MAPK14: variants seen among roughly 807,000 people sequenced by gnomAD.
MAPK14 encodes the protein mitogen-activated protein kinase 14.
In MAPK14, 16 loss-of-function variants were observed where a neutral mutation model predicts 49.6. That is an observed-to-expected ratio of 0.32 (90% CI 0.22 to 0.49). The LOEUF (loss-of-function observed/expected upper bound fraction) is 0.49, where lower values mean the gene tolerates loss of function less well. Ranked by LOEUF, MAPK14 falls within the 20% of genes least tolerant of loss-of-function variation. The pLI, the probability that MAPK14 is intolerant of heterozygous loss-of-function variation, is 0.99. For synonymous variants in MAPK14, 142 were observed against 158.0 expected (o/e 0.90, Z 0.76); for missense variants, 200 against 441.2 (o/e 0.45, Z 4.90).
At chr6:36,120,248 CTA>C in the MAPK14 span, among the ~76,000 whole-genome samples, 1 of 152,128 alleles carries the variant, frequency 6.6e-6, no homozygotes, top group Non-Finnish European at 1.5e-5. Context: ...ATAGTAAGAA[CTA>C]TATGTTTTTG....
the MAPK14 span, among the ~76,000 whole-genome samples, chr6:36,122,072 TAGAGAC>T: frequency 1.3e-5 from 2 of 152,226 alleles, no homozygotes; most frequent in African/African-American, 4.8e-5. Flanking sequence ...CACAGCAAAT[TAGAGAC>T]AGAGCTAGAA....
chr6:36,099,163 C>T (rs934846828), intron 9 of MAPK14, among the ~76,000 whole-genome samples: 1 of 152,094 alleles, frequency 6.6e-6, no homozygotes, highest in Non-Finnish European at 1.5e-5. Context: ...GGCCATGGTG[C>T]TTATTAAAGA....
At chr6:36,044,019 A>G (rs1763074902) in intron 1 of MAPK14, among the ~76,000 whole-genome samples, 1 of 151,770 alleles carries the variant, frequency 6.6e-6, no homozygotes, top group African/African-American at 2.4e-5. Context: ...CATGTTGGTC[A>G]GGCTGGTCGC....
chr6:36,090,307 G>A (rs1047965982), intron 8 of MAPK14, among the ~76,000 whole-genome samples: 5 of 151,818 alleles, frequency 3.3e-5, no homozygotes, highest in Non-Finnish European at 7.4e-5. Flanking sequence ...ATCACTTTCA[G>A]TCATTGGTTT....
chr6:36,088,176 A>G (rs561304520), intron 8 of MAPK14, among the ~76,000 whole-genome samples: 2 of 152,332 alleles, frequency 1.3e-5, no homozygotes, highest in Admixed American at 6.5e-5. Context: ...TAAAAACCCT[A>G]GAAGAAAATC....
At chr6:36,066,069 T>C (rs558146373) in intron 3 of MAPK14, among the ~76,000 whole-genome samples, 8 of 152,208 alleles carry the variant, frequency 5.3e-5, no homozygotes, top group Admixed American at 1.3e-4. Flanking sequence ...TAAAAACTCT[T>C]TTTTTTTCAG....
At chr6:36,076,083 T>C in intron 7 of MAPK14, 121 bp downstream of exon 7, 1 of 1,011,440 alleles carries the variant, frequency 9.9e-7, no homozygotes, top group South Asian at 1.5e-5. Context: ...AGTGATCCTT[T>C]TAAAGCCTGC....
intron 1 of MAPK14, among the ~76,000 whole-genome samples, chr6:36,046,455 C>A (rs1307496252): frequency 6.6e-6 from 1 of 152,160 alleles, no homozygotes; most frequent in Non-Finnish European, 1.5e-5. Context: ...TTGCCATGGA[C>A]CAAGCTCCTT....
chr6:36,051,439 G>T (rs1353556177), intron 1 of MAPK14, among the ~76,000 whole-genome samples: 1 of 152,024 alleles, frequency 6.6e-6, no homozygotes, highest in Non-Finnish European at 1.5e-5. Flanking sequence ...AATACACATC[G>T]CATTTTTGCT....
intron 6 of MAPK14, 145 bp from the exon 7 acceptor site, chr6:36,075,703 G>T: frequency 9.5e-7 from 1 of 1,057,150 alleles, no homozygotes; most frequent in Non-Finnish European, 1.4e-6. Context: ...TCTAAGTATG[G>T]ACCAGGAAAT....
At chr6:36,100,276 A>C (rs201412505) in intron 9 of MAPK14, 166 of 1,603,940 alleles carry the variant, frequency 1.0e-4, no homozygotes, top group Non-Finnish European at 1.4e-4. Context: ...AGGTGAGAAC[A>C]AAGAGACTGT....
intron 8 of MAPK14, among the ~76,000 whole-genome samples, chr6:36,088,868 T>C (rs558636752): frequency 6.6e-6 from 1 of 152,338 alleles, no homozygotes; most frequent in Admixed American, 6.5e-5. Context: ...TACTGTCTCA[T>C]GCTAGTCAGA....
At chr6:36,089,706 G>A (rs564048106) in intron 8 of MAPK14, among the ~76,000 whole-genome samples, 1 of 152,252 alleles carries the variant, frequency 6.6e-6, no homozygotes, top group South Asian at 2.1e-4. Flanking sequence ...TAAAAGCCTA[G>A]TTGACTAGGG....
intron 2 of MAPK14, among the ~76,000 whole-genome samples, chr6:36,058,795 G>C (rs1434085949): frequency 1.3e-5 from 2 of 152,058 alleles, no homozygotes; most frequent in East Asian, 3.9e-4. Flanking sequence ...AGCTACTTGG[G>C]AGGCTGAGAC....
At chr6:36,120,689 C>T in the MAPK14 span, among the ~76,000 whole-genome samples, 4 of 152,290 alleles carry the variant, frequency 2.6e-5, no homozygotes, top group South Asian at 4.1e-4. Context: ...GCAGCATTGC[C>T]AAATGGTTCT....
At chr6:36,048,506 A>T (rs1256436862) in intron 1 of MAPK14, among the ~76,000 whole-genome samples, 1 of 152,206 alleles carries the variant, frequency 6.6e-6, no homozygotes, top group Non-Finnish European at 1.5e-5. Flanking sequence ...ACTGTATTGG[A>T]TGCATTTGGA....
intron 3 of MAPK14, among the ~76,000 whole-genome samples, chr6:36,071,226 G>C (rs1031541691): frequency 6.6e-6 from 1 of 151,916 alleles, no homozygotes; most frequent in East Asian, 1.9e-4. Flanking sequence ...CCAGCTACTC[G>C]GGAGGCTGAG....
intron 1 of MAPK14, among the ~76,000 whole-genome samples, chr6:36,042,044 A>G (rs115584972): frequency 1.4e-3 from 135 of 95,850 alleles, no homozygotes; most frequent in Non-Finnish European, 3.1e-3. Flanking sequence ...GACAAGAGAA[A>G]ACATAAACCA....
At chr6:36,099,247 T>G (rs1484788783) in intron 9 of MAPK14, among the ~76,000 whole-genome samples, 1 of 152,246 alleles carries the variant, frequency 6.6e-6, no homozygotes, top group East Asian at 1.9e-4. Context: ...TGAATTACAT[T>G]GAATATTTTT....
Sources: gnomAD v4.1 joint callset for allele counts (sites outside exome capture counted in the v4.1 genomes callset) on GRCh38, gnomAD v4.1.1 for gene constraint, MANE v1.5 for transcripts, NCBI Gene and HGNC (gene_info 2026-07-23, HGNC 2026-07-21) for gene names.